SLC24A2: variants seen among roughly 807,000 people sequenced by gnomAD.
The protein encoded by SLC24A2 is sodium/potassium/calcium exchanger 2.
Under a neutral mutation model 62.0 loss-of-function variants are expected in SLC24A2, and 36 were observed. The observed-to-expected ratio is 0.58, with a 90% CI of 0.44 to 0.77. The LOEUF (loss-of-function observed/expected upper bound fraction) is 0.77, where lower values mean the gene tolerates loss of function less well. SLC24A2 is among the 30% of genes least tolerant of loss of function. The pLI is 0.00. For missense variants in SLC24A2, 846 were observed against 817.9 expected (o/e 1.03, Z -0.42); for synonymous variants, 358 against 294.0 (o/e 1.22, Z -2.23).
the SLC24A2 span, among the ~76,000 whole-genome samples, chr9:20,161,197 A>T: frequency 6.6e-6 from 1 of 151,480 alleles, no homozygotes; most frequent in Admixed American, 6.6e-5. Flanking sequence ...AAAAGAGACA[A>T]GAGGCTTTAA....
chr9:19,734,561 T>C (rs1821445423), intron 2 of SLC24A2, among the ~76,000 whole-genome samples: 1 of 152,198 alleles, frequency 6.6e-6, no homozygotes, highest in Non-Finnish European at 1.5e-5. Context: ...TTTTACTTCG[T>C]TGAGCAGTGG....
chr9:19,812,943 G>A, the SLC24A2 span, among the ~76,000 whole-genome samples: 2 of 152,148 alleles, frequency 1.3e-5, no homozygotes, highest in Admixed American at 1.3e-4. Flanking sequence ...CACCTGAAAC[G>A]TCCTGAGTTC....
chr9:19,517,910 A>G (rs939510582), intron 10 of SLC24A2, among the ~76,000 whole-genome samples: 1 of 131,630 alleles, frequency 7.6e-6, no homozygotes, highest in African/African-American at 2.8e-5. Context: ...TTCTTATTAA[A>G]ACACACACAC....
At chr9:19,833,800 G>A in the SLC24A2 span, among the ~76,000 whole-genome samples, 16 of 152,346 alleles carry the variant, frequency 1.1e-4, no homozygotes, top group African/African-American at 2.6e-4. Context: ...CCTGACCCCC[G>A]AGTAGCCTAA....
At chr9:20,004,511 T>C in the SLC24A2 span, among the ~76,000 whole-genome samples, 1 of 152,218 alleles carries the variant, frequency 6.6e-6, no homozygotes, top group South Asian at 2.1e-4. Flanking sequence ...CTGCCATAAA[T>C]TTGTGTATGA....
the SLC24A2 span, among the ~76,000 whole-genome samples, chr9:20,062,239 A>T: frequency 6.6e-6 from 1 of 152,162 alleles, no homozygotes; most frequent in East Asian, 1.9e-4. Context: ...GAAACAATAA[A>T]TAAAAATAAA....
chr9:19,769,844 A>G (rs1822631693), intron 2 of SLC24A2, among the ~76,000 whole-genome samples: 1 of 151,926 alleles, frequency 6.6e-6, no homozygotes, highest in Admixed American at 6.6e-5. Context: ...CTACACCTAC[A>G]GGTCTGTCTA....
chr9:20,164,887 A>G, the SLC24A2 span, among the ~76,000 whole-genome samples: 1 of 150,842 alleles, frequency 6.6e-6, no homozygotes, highest in Non-Finnish European at 1.5e-5. Flanking sequence ...CGCAAGAACA[A>G]CAAACGAAAC....
the SLC24A2 span, among the ~76,000 whole-genome samples, chr9:20,002,336 T>C: frequency 6.6e-6 from 1 of 151,082 alleles, no homozygotes; most frequent in Non-Finnish European, 1.5e-5. Flanking sequence ...CACTTTATTC[T>C]ACCAAAAGGC....
At chr9:19,918,870 A>C in the SLC24A2 span, among the ~76,000 whole-genome samples, 1 of 152,162 alleles carries the variant, frequency 6.6e-6, no homozygotes, top group South Asian at 2.1e-4. Flanking sequence ...CCAAACGCCT[A>C]TAAAAAAGGG....
At chr9:19,639,295 T>C (rs953834284) in intron 2 of SLC24A2, among the ~76,000 whole-genome samples, 1 of 152,260 alleles carries the variant, frequency 6.6e-6, no homozygotes, top group Non-Finnish European at 1.5e-5. Flanking sequence ...TGAAGTCCTT[T>C]TGCAATGGTG....
intron 7 of SLC24A2, among the ~76,000 whole-genome samples, chr9:19,552,173 C>T (rs892987961): frequency 6.6e-6 from 1 of 152,190 alleles, no homozygotes; most frequent in Non-Finnish European, 1.5e-5. Context: ...CCTGAGGGCT[C>T]CCATCTTTGG....
the SLC24A2 span, among the ~76,000 whole-genome samples, chr9:20,042,615 T>G: frequency 6.6e-6 from 1 of 152,150 alleles, no homozygotes; most frequent in Non-Finnish European, 1.5e-5. Flanking sequence ...CTTCCAATAT[T>G]CTCCTTTTCA....
the SLC24A2 span, among the ~76,000 whole-genome samples, chr9:20,289,696 T>G: frequency 6.6e-6 from 1 of 152,302 alleles, no homozygotes; most frequent in African/African-American, 2.4e-5. Flanking sequence ...TGGCACTCCA[T>G]GAACATTTCC....
chr9:20,097,393 A>G, the SLC24A2 span, among the ~76,000 whole-genome samples: 1 of 152,194 alleles, frequency 6.6e-6, no homozygotes, highest in Admixed American at 6.5e-5. Flanking sequence ...TTATCTAACA[A>G]ATTTAGTCTT....
At chr9:20,258,853 C>T in the SLC24A2 span, among the ~76,000 whole-genome samples, 1 of 95,676 alleles carries the variant, frequency 1.0e-5, no homozygotes, top group Non-Finnish European at 2.3e-5. Context: ...ATCTATCTAT[C>T]TAATGTCTAT....
At chr9:20,254,217 A>G in the SLC24A2 span, among the ~76,000 whole-genome samples, 12 of 152,318 alleles carry the variant, frequency 7.9e-5, no homozygotes, top group South Asian at 2.5e-3. Context: ...TTTGTGAATA[A>G]TTCTTACTTT....
rs1819094468 is a variant in SLC24A2, at chr9:19,661,333, G to A, written c.931-39034C>T. ...ATGACCAGTCCTTAACCACATTGTT[G>A]TTGTAGAGTATGAATCCCTAAATAT... On this transcript the variant is annotated intron_variant, in intron 2 of 10. Transcript: ENST00000341998. Among the ~76,000 whole-genome samples, 4 of 151,648 alleles carry A rather than the reference G, an allele frequency of 2.6e-5. No individual in the cohort carries two copies. In the South Asian group the frequency reaches 8.3e-4, roughly 32 times the overall value.
chr9:19,908,978 C>T, the SLC24A2 span, among the ~76,000 whole-genome samples: 6 of 152,128 alleles, frequency 3.9e-5, no homozygotes, highest in Non-Finnish European at 8.8e-5. Context: ...CATCCCATTA[C>T]TAGGTATATA....
Sources: gnomAD v4.1 joint callset for allele counts (sites outside exome capture counted in the v4.1 genomes callset) on GRCh38, gnomAD v4.1.1 for gene constraint, MANE v1.5 for transcripts, NCBI Gene and HGNC (gene_info 2026-07-23, HGNC 2026-07-21) for gene names.